HABP2: variants seen among roughly 807,000 people sequenced by gnomAD.
The protein encoded by HABP2 is hyaluronan binding protein 2, also known as factor VII-activating protease.
A neutral mutation model predicts 66.5 loss-of-function variants in HABP2; 65 were observed. The ratio of observed to expected loss-of-function variants is 0.98; its 90% confidence interval spans 0.80 to 1.20. HABP2 has a LOEUF of 1.20. Ranked by LOEUF, HABP2 falls within the 50% of genes most tolerant of loss-of-function variation. The pLI, the probability that HABP2 is intolerant of heterozygous loss-of-function variation, is 0.00. For synonymous variants in HABP2, 263 were observed against 253.9 expected, an observed-to-expected ratio of 1.04 and a Z score of -0.34; for missense variants, 786 against 691.0, an observed-to-expected ratio of 1.14 and a Z score of -1.54.
In HABP2 at chr10:113,566,200, T is replaced by A. The variant is rs1056251854; in HGVS notation, c.70-1289T>A. On this transcript the variant is annotated intron_variant, in intron 1 of 12. Transcript: ENST00000351270. ...AGCTGTCTAGTGGTAGAACTCGCAT[T>A]TCTTTAAATCAGGGTTCAGCAAACT... Among the ~76,000 whole-genome samples, 3 of 152,376 alleles carry A rather than the reference T, an allele frequency of 2.0e-5. No homozygotes were observed. The South Asian group carries it at 6.2e-4, about 32-fold the overall frequency.
intron 2 of HABP2, 131 bp from the exon 3 acceptor site, chr10:113,574,158 A>G: frequency 3.2e-6 from 2 of 625,678 alleles, no homozygotes; most frequent in South Asian, 3.6e-5. Flanking sequence ...CACTGTGCAG[A>G]GCTGGAGAGA....
chr10:113,589,072 G>A lies in HABP2; in HGVS notation c.*703G>A. ...ATGATCTCCAGCCTCCACTGCTTCT[G>A]CCCCCCGCTGCTGAAATCAAACATA... On this transcript the variant is annotated 3_prime_UTR_variant, in exon 13 of 13. Coordinates refer to ENST00000351270, the MANE Select transcript of HABP2 (RefSeq NM_004132.5). 6.2e-7 allele frequency: 1 copy of A among 1,613,208 alleles called. No individual in the cohort carries two copies. The highest frequency in any genetic ancestry group is 1.3e-5 in the African/African-American group (1 of 74,902).
Position 113,578,056 on chromosome 10 carries a change from A to G in HABP2, c.479A>G (p.Gln160Arg), listed in dbSNP as rs779673888. 4.3e-6 allele frequency: 7 copies of G among 1,614,078 alleles called. No homozygotes were observed. The highest frequency in any genetic ancestry group is 1.7e-5 in the Admixed American group (1 of 60,010). ...VVPVCRPNPCQNGATCSRHKR... is the reference protein window; with the variant it reads ...VVPVCRPNPCRNGATCSRHKR... ...CCTGTATGCAGGCCAAACCCCTGCC[A>G]GAATGGGGCTACCTGCTCCCGGCAT... is the stretch of plus-strand genomic sequence containing the variant. Residue 160 changes from glutamine (Q) to arginine (R), a missense_variant, in exon 6 of 13, where the codon CAG (glutamine) becomes CGG (arginine). Transcript: ENST00000351270.
At chr10:113,569,304 G>A (rs1380871178) in intron 2 of HABP2, among the ~76,000 whole-genome samples, 2 of 152,202 alleles carry the variant, frequency 1.3e-5, no homozygotes, top group African/African-American at 4.8e-5. Context: ...TCCATCTCGA[G>A]GTGTCATAGC....
intron 12 of HABP2, among the ~76,000 whole-genome samples, chr10:113,587,127 C>G (rs1345071340): frequency 6.6e-6 from 1 of 152,190 alleles, no homozygotes; most frequent in Non-Finnish European, 1.5e-5. Context: ...TCAGCCTAGC[C>G]AACATGGTGA....
chr10:113,585,973 G>A (rs1162851309), intron 12 of HABP2, 35 bp downstream of exon 12: 2 of 1,602,320 alleles, frequency 1.2e-6, no homozygotes, highest in Non-Finnish European at 1.7e-6. Flanking sequence ...TGGTAGGAGA[G>A]GCTAGCAGGA....
chr10:113,588,751 CAGACACTCG>C lies in HABP2; in HGVS notation c.*385_*393del, dbSNP rs1845732835. 3 of 568,194 alleles carry C rather than the reference CAGACACTCG, an allele frequency of 5.3e-6. No homozygotes were observed. In the African/African-American group the frequency reaches 5.6e-5, roughly 11 times the overall value. 35.2% of individuals were successfully genotyped at this position (568,194 alleles called of 1,614,324 possible). A position where few individuals can be genotyped will look rare whatever the true frequency, so the allele number is the denominator to read the frequency against. The stretch of plus-strand genomic sequence containing the variant: ...ACCATCACATCTTTATTCCTCAGCC[CAGACACTCG>C]AGGCACTCAACAGAATCAGCCATCC... On this transcript the variant is annotated 3_prime_UTR_variant, in exon 13 of 13. Coordinates refer to ENST00000351270, the MANE Select transcript of HABP2 (RefSeq NM_004132.5).
At chr10:113,582,665 C>T (rs1159287745) in intron 9 of HABP2, among the ~76,000 whole-genome samples, 1 of 152,192 alleles carries the variant, frequency 6.6e-6, no homozygotes, top group Non-Finnish European at 1.5e-5. Context: ...GATACCATCA[C>T]CAATGACCCT....
rs1198299694 is a variant in HABP2, at chr10:113,562,730, C to A, written c.70-4759C>A. Among the ~76,000 whole-genome samples the A allele has an allele frequency of 2.0e-5, 3 of 152,352 alleles. No homozygotes were observed. In the East Asian group the frequency reaches 5.8e-4, roughly 29 times the overall value. ...AAAGTGTTGGGATTACAGGCGTAAG[C>A]CACTGCGCCCGGCCCACAGATAAGC... On this transcript the variant is annotated intron_variant, in intron 1 of 12. Coordinates refer to ENST00000351270, the MANE Select transcript of HABP2 (RefSeq NM_004132.5).
At chr10:113,581,208 C>T (rs1048781759) in intron 8 of HABP2, among the ~76,000 whole-genome samples, 1 of 152,206 alleles carries the variant, frequency 6.6e-6, no homozygotes, top group African/African-American at 2.4e-5. Context: ...TTACTTCTGT[C>T]TATAACATAC....
intron 5 of HABP2, among the ~76,000 whole-genome samples, chr10:113,577,673 A>T (rs1454899994): frequency 6.6e-6 from 1 of 152,254 alleles, no homozygotes; most frequent in African/African-American, 2.4e-5. Flanking sequence ...TAGACAGATT[A>T]ACTCATTTGC....
At position 113,588,115 on chromosome 10, in the gene HABP2, A is replaced by C. The variant is rs544962406; in HGVS notation, c.1519-90A>C. 1.8e-3 allele frequency: 2,015 copies of C among 1,105,352 alleles called. 7 individuals are homozygous for C. Among genetic ancestry groups the C allele is most frequent in the Middle Eastern group, 0.011 (33 of 3,142 alleles). The allele number at this position is 1,105,352 out of a possible 1,614,324, so 68.5% of individuals were successfully genotyped here. ...GGAGGCTGGCAAGGGACTCCACCCC[A>C]TCCCTCCCTGACACCCCCTGGAGAG... On this transcript the variant is annotated intron_variant, in intron 12 of 12. Coordinates refer to ENST00000351270, the MANE Select transcript of HABP2 (RefSeq NM_004132.5).
chr10:113,583,278 A>C lies in HABP2; in HGVS notation c.1157A>C (p.His386Pro). 1 of 1,612,340 alleles carries C rather than the reference A, an allele frequency of 6.2e-7. No homozygotes were observed. The highest frequency in any genetic ancestry group is 8.5e-7 in the Non-Finnish European group (1 of 1,178,316). ...CAGGACCTGAAGAAAGAAGAATTTC[A>C]TGAGCAGAGCTTTAGGGTGGAGAAG... ...GDQDLKKEEFHEQSFRVEKIF... is the reference protein window; with the variant it reads ...GDQDLKKEEFPEQSFRVEKIF... The change falls in exon 10 of 13, where the codon CAT becomes CCT. Residue 386 changes from histidine to proline, a missense_variant. His to Pro is a moderately conservative substitution (Grantham distance 77, BLOSUM62 -2). Coordinates refer to ENST00000351270, the MANE Select transcript of HABP2 (RefSeq NM_004132.5).
Position 113,589,343 on chromosome 10 carries a change from C to T in HABP2, c.*974C>T. 1.8e-6 allele frequency: 1 copy of T among 568,702 alleles called. No homozygotes were observed. The highest frequency in any genetic ancestry group is 3.1e-6 in the Non-Finnish European group (1 of 322,172). The allele number at this position is 568,702 out of a possible 1,614,324, so 35.2% of individuals were successfully genotyped here. On this transcript the variant is annotated 3_prime_UTR_variant, in exon 13 of 13. Coordinates refer to ENST00000351270, the MANE Select transcript of HABP2 (RefSeq NM_004132.5). Reference sequence around the variant, plus strand: ...TGCAGACTGTCATATCCAGCGAGTCCCTGACCCTTTCTGCGAATGTAACGA... The same window carrying T: ...TGCAGACTGTCATATCCAGCGAGTCTCTGACCCTTTCTGCGAATGTAACGA...
In HABP2 at chr10:113,553,067, T is replaced by G. The variant is rs1844925370; in HGVS notation, c.-55T>G. The G allele has an allele frequency of 7.4e-7, 1 of 1,358,762 alleles. No homozygotes were observed. The allele number at this position is 1,358,762 out of a possible 1,614,324, so 84.2% of individuals were successfully genotyped here. A position where few individuals can be genotyped will look rare whatever the true frequency, so the allele number is the denominator to read the frequency against. ...CTGACATTTTTCCCCCCTAAAGGCA[T>G]AGACAACAAAAGAAATTTTATTGAG... On this transcript the variant is annotated 5_prime_UTR_variant, in exon 1 of 13. Transcript: ENST00000351270.
intron 3 of HABP2, 82 bp downstream of exon 3, chr10:113,574,487 C>G: frequency 2.8e-6 from 2 of 707,060 alleles, no homozygotes; most frequent in Non-Finnish European, 5.1e-6. Context: ...AAGGGCCTCT[C>G]TCTCCGCCTC....
At chr10:113,573,507 G>A (rs985992113) in intron 2 of HABP2, among the ~76,000 whole-genome samples, 25 of 152,328 alleles carry the variant, frequency 1.6e-4, no homozygotes, top group African/African-American at 6.0e-4. Flanking sequence ...CTACAGTTGA[G>A]CTAGTGAGAT....
In HABP2 at chr10:113,588,309, C is replaced by A. The variant is rs1453024725; in HGVS notation, c.1623C>A (p.Thr541=). The part of the protein sequence containing the change: ...LECGKRPGVY[T]QVTKFLNWIK... ...GTGGGAAGAGGCCAGGGGTCTACACCCAAGTTACCAAATTCCTGAATTGGA... is the reference window on the plus strand; with the variant it reads ...GTGGGAAGAGGCCAGGGGTCTACACACAAGTTACCAAATTCCTGAATTGGA... The change falls in exon 13 of 13, where the codon ACC becomes ACA. Residue 541 remains threonine, a synonymous_variant. Transcript: ENST00000351270. 1 of 1,613,616 alleles carries A rather than the reference C, an allele frequency of 6.2e-7. No homozygotes were observed. The highest frequency in any genetic ancestry group is 1.7e-5 in the Admixed American group (1 of 59,992).
At chr10:113,569,064 C>T (rs914443763) in intron 2 of HABP2, among the ~76,000 whole-genome samples, 1 of 152,166 alleles carries the variant, frequency 6.6e-6, no homozygotes, top group African/African-American at 2.4e-5. Flanking sequence ...CAGATTTGAT[C>T]TGCAAACAGG....
Sources: gnomAD v4.1 joint callset for allele counts (sites outside exome capture counted in the v4.1 genomes callset) on GRCh38, gnomAD v4.1.1 for gene constraint, MANE v1.5 for transcripts, NCBI Gene and HGNC (gene_info 2026-07-23, HGNC 2026-07-21) for gene names.